The following ITFG1 variants were observed in gnomAD, a reference collection of about 807,000 sequenced individuals.
The protein encoded by ITFG1 is T-cell immunomodulatory protein.
A neutral mutation model predicts 81.8 loss-of-function variants in ITFG1; 34 were observed. The ratio of observed to expected loss-of-function variants is 0.42; its 90% CI spans 0.32 to 0.55. The LOEUF is 0.55. Among genes scored for constraint, ITFG1 ranks in the 20% least tolerant of loss-of-function variants. The probability of loss-of-function intolerance (pLI) is 0.17; values close to 1 mark genes in which losing one functional copy is unlikely to be tolerated. For missense variants in ITFG1, 672 were observed against 755.4 expected (o/e 0.89, Z 1.29); for synonymous variants, 285 against 270.6 (o/e 1.05, Z -0.52).
chr16:47,454,091 G>T lies in ITFG1; in HGVS notation c.349C>A (p.Leu117Ile). The T allele has an allele frequency of 5.6e-6, 9 of 1,605,034 alleles. No individual in the cohort carries two copies. The highest frequency in any genetic ancestry group is 7.7e-6 in the Non-Finnish European group (9 of 1,172,048). ...TAATTTTTGGGAAGATATGTCAGAA[G>T]GACATCCATTTGAGAATCTCCATCA... The part of the protein sequence containing the change: ...DYDGDSQMDV[L>I]LTYLPKNYAK... The change falls in exon 3 of 18, where the codon CTT (leucine) becomes ATT (isoleucine). Residue 117 changes from leucine (L) to isoleucine (I), a missense_variant. Physicochemically the swap from Leu to Ile is conservative, Grantham distance 5. Transcript: ENST00000320640.
At position 47,275,720 on chromosome 16, in the gene ITFG1, A is replaced by G. The variant is rs1041440912; in HGVS notation, c.1071-15025T>C. ...CCATATATGTATATTTTAACTTGTG[A>G]GTGATTTAATGGATTTTAAAGAGTA... On this transcript the variant is annotated intron_variant, in intron 10 of 17. Transcript: ENST00000320640. Among the ~76,000 whole-genome samples, 4 of 152,220 alleles carry G rather than the reference A, an allele frequency of 2.6e-5. No individual in the cohort carries two copies. The East Asian group carries it at 5.8e-4, about 22-fold the overall frequency.
chr16:47,450,966 T>C (rs1969381120), intron 5 of ITFG1, among the ~76,000 whole-genome samples: 1 of 152,018 alleles, frequency 6.6e-6, no homozygotes, highest in East Asian at 1.9e-4. Flanking sequence ...CTTAGAGGAG[T>C]GCTTATATTA....
At chr16:47,339,923 C>T (rs1345798283) in intron 8 of ITFG1, among the ~76,000 whole-genome samples, 2 of 151,958 alleles carry the variant, frequency 1.3e-5, no homozygotes, top group African/African-American at 2.4e-5. Flanking sequence ...CACAGCCAAA[C>T]TATTAAAGCC....
chr16:47,217,576 A>G (rs560409561), intron 14 of ITFG1, among the ~76,000 whole-genome samples: 1 of 152,364 alleles, frequency 6.6e-6, no homozygotes, highest in South Asian at 2.1e-4. Flanking sequence ...TAATTTGTTC[A>G]AATTATCTAT....
intron 12 of ITFG1, among the ~76,000 whole-genome samples, chr16:47,250,212 T>G (rs1966054025): frequency 6.6e-6 from 1 of 152,162 alleles, no homozygotes; most frequent in Non-Finnish European, 1.5e-5. Context: ...TGTTATTGAT[T>G]ACCTATCTTT....
intron 6 of ITFG1, among the ~76,000 whole-genome samples, chr16:47,403,111 T>A (rs1968682912): frequency 6.6e-6 from 1 of 152,320 alleles, no homozygotes; most frequent in South Asian, 2.1e-4. Context: ...CAAATTTTTT[T>A]AAAAAGATCA....
Position 47,247,566 on chromosome 16 carries a change from G to A in ITFG1, c.1331-9558C>T, listed in dbSNP as rs529826243. The stretch of plus-strand genomic sequence containing the variant: ...TTTGGCACAGAAAATCTCAAGCAGG[G>A]CCACGTCTTGCTGTGTTAGCTAATG... On this transcript the variant is annotated intron_variant, in intron 12 of 17. Transcript: ENST00000320640. Among the ~76,000 whole-genome samples the A allele has an allele frequency of 2.0e-5, 3 of 152,228 alleles. No individual in the cohort carries two copies. In the South Asian group the frequency reaches 6.2e-4, roughly 32 times the overall value.
chr16:47,240,492 G>A (rs377480712), intron 12 of ITFG1, among the ~76,000 whole-genome samples: 3 of 151,950 alleles, frequency 2.0e-5, no homozygotes, highest in East Asian at 1.9e-4. Context: ...GATCTGAATA[G>A]GTATTTCTCC....
intron 8 of ITFG1, among the ~76,000 whole-genome samples, chr16:47,334,517 A>G (rs1218075895): frequency 6.6e-6 from 1 of 152,208 alleles, no homozygotes; most frequent in African/African-American, 2.4e-5. Flanking sequence ...TCCTAGAGCA[A>G]GTGATTTCTC....
rs879838717 is a variant in ITFG1, at chr16:47,375,409, T to TA, written c.720+466dup. On this transcript the variant is annotated intron_variant, in intron 7 of 17. Coordinates refer to ENST00000320640, the MANE Select transcript of ITFG1 (RefSeq NM_030790.5). ...GGTTTGGGAATCTTCTACTTACAATTAAAAAAAAAAAAACCCTATTGGGAA... is the reference window on the plus strand; with the variant it reads ...GGTTTGGGAATCTTCTACTTACAATTAAAAAAAAAAAAAACCCTATTGGGAA... Among the ~76,000 whole-genome samples the TA allele has an allele frequency of 1.9e-3, 277 of 142,806 alleles. 1 individual carries two copies. The highest frequency in any genetic ancestry group is 2.4e-3 in the Non-Finnish European group (155 of 64,906). The allele number at this position is 142,806 out of a possible 152,430, so 93.7% of individuals were successfully genotyped here.
intron 8 of ITFG1, among the ~76,000 whole-genome samples, chr16:47,326,941 C>A (rs1182593109): frequency 6.6e-6 from 1 of 152,152 alleles, no homozygotes; most frequent in Admixed American, 6.5e-5. Context: ...ATCAAGCTAC[C>A]AATGACTTTC....
intron 8 of ITFG1, among the ~76,000 whole-genome samples, chr16:47,322,798 TA>T (rs1222740742): frequency 2.6e-5 from 4 of 152,224 alleles, no homozygotes; most frequent in Non-Finnish European, 5.9e-5. Flanking sequence ...TCAGAGCACT[TA>T]AAATCTACTC....
At chr16:47,420,769 G>C (rs1968936018) in intron 6 of ITFG1, among the ~76,000 whole-genome samples, 2 of 152,152 alleles carry the variant, frequency 1.3e-5, no homozygotes, top group South Asian at 4.1e-4. Context: ...AGAAGCAAAT[G>C]CTGGTACCGT....
chr16:47,409,404 A>AT (rs1187071917), intron 6 of ITFG1, among the ~76,000 whole-genome samples: 11 of 6,104 alleles, frequency 1.8e-3, no homozygotes, highest in South Asian at 9.8e-3. Flanking sequence ...ATATATATAT[A>AT]TTTTTTTTTT....
At chr16:47,253,963 T>G (rs1312806249) in intron 12 of ITFG1, among the ~76,000 whole-genome samples, 4 of 152,098 alleles carry the variant, frequency 2.6e-5, no homozygotes, top group Non-Finnish European at 4.4e-5. Context: ...GAACAATTTT[T>G]AAAAAATTCA....
chr16:47,413,693 C>A (rs1266584715), intron 6 of ITFG1, among the ~76,000 whole-genome samples: 2 of 151,942 alleles, frequency 1.3e-5, no homozygotes, highest in African/African-American at 4.8e-5. Flanking sequence ...AAGACTTTGT[C>A]TGAAAAAAAT....
chr16:47,418,336 C>A (rs1968898872), intron 6 of ITFG1, among the ~76,000 whole-genome samples: 2 of 152,148 alleles, frequency 1.3e-5, no homozygotes, highest in Non-Finnish European at 2.9e-5. Context: ...TTGCCTCTTA[C>A]TCCGCTGACT....
intron 5 of ITFG1, among the ~76,000 whole-genome samples, chr16:47,433,859 TATATATATATATATATATATA>T (rs2151611383): frequency 8.8e-4 from 1 of 1,138 alleles, no homozygotes; most frequent in African/African-American, 7.7e-3. Flanking sequence ...AAAAACTGAA[TATATATATATATATATATATA>T]TATATATATA....
intron 6 of ITFG1, among the ~76,000 whole-genome samples, chr16:47,421,282 A>ACG (rs1968944287): frequency 6.7e-6 from 1 of 149,820 alleles, no homozygotes; most frequent in African/African-American, 2.5e-5. Context: ...ACACACACAC[A>ACG]CACACACACA....
Sources: allele counts gnomAD v4.1 joint callset (sites outside exome capture counted in the v4.1 genomes callset), GRCh38; gene constraint gnomAD v4.1.1; transcripts MANE v1.5; gene names NCBI Gene and HGNC (gene_info 2026-07-23, HGNC 2026-07-21).